Variants in ADAMTS9 observed in about 807,000 individuals in gnomAD.
ADAMTS9 encodes A disintegrin and metalloproteinase with thrombospondin motifs 9.
A neutral mutation model predicts 257.1 loss-of-function variants in ADAMTS9; 107 were observed. The observed-to-expected ratio is 0.42, with a 90% CI of 0.36 to 0.49. ADAMTS9 has a LOEUF of 0.49. Among genes scored for constraint, ADAMTS9 ranks in the 20% least tolerant of loss-of-function variants. The probability of loss-of-function intolerance (pLI) is 0.03; values close to 1 mark genes in which losing one functional copy is unlikely to be tolerated. For missense variants in ADAMTS9, 2,353 were observed against 2,469.1 expected (o/e 0.95, Z 1.00); for synonymous variants, 982 against 880.9 (o/e 1.11, Z -2.03).
At chr3:64,682,662 C>G (rs1234351285) in intron 2 of ADAMTS9, among the ~76,000 whole-genome samples, 1 of 152,244 alleles carries the variant, frequency 6.6e-6, no homozygotes, top group Non-Finnish European at 1.5e-5. Context: ...ACTCCCTGAA[C>G]ATCAGCAGCT....
rs1169781876 is a variant in ADAMTS9, at chr3:64,541,895, A to T, written c.5140T>A (p.Leu1714Ile). ...TCTGGCTTCAGATCAGTGTGGCATA[A>T]GTGGCTGGGTTGGTCCTCATTGGTT... ...CLTNEDQPSH[L>I]CHTDLKPEER... Residue 1714 changes from leucine (L) to isoleucine (I), a missense_variant, in exon 33 of 40, where the codon TTA (leucine) becomes ATA (isoleucine). Physicochemically the swap from Leu to Ile is conservative, Grantham distance 5. Coordinates refer to ENST00000498707, the MANE Select transcript of ADAMTS9 (RefSeq NM_182920.2). 37 of 1,614,074 alleles carry T rather than the reference A, an allele frequency of 2.3e-5. No homozygotes were observed. The highest frequency in any genetic ancestry group is 2.9e-5 in the Non-Finnish European group (34 of 1,180,034).
chr3:64,573,163 A>ACT lies in ADAMTS9; in HGVS notation c.4357-4629_4357-4628insAG, dbSNP rs1205836280. ...AGCACTAGAAGGGGACTGAATGAGG[A>ACT]CCAGGACTGCCTGAGTTATAGCAGA... On this transcript the variant is annotated intron_variant, in intron 28 of 39. Transcript: ENST00000498707. Among the ~76,000 whole-genome samples, 6 of 152,124 alleles carry ACT rather than the reference A, an allele frequency of 3.9e-5. No homozygotes were observed. In the South Asian group the frequency reaches 6.2e-4, roughly 16 times the overall value.
intron 28 of ADAMTS9, among the ~76,000 whole-genome samples, chr3:64,593,715 T>C (rs2084303691): frequency 1.3e-5 from 2 of 152,220 alleles, no homozygotes; most frequent in Admixed American, 1.3e-4. Flanking sequence ...AGGTCACCTG[T>C]TCCATTTTTG....
chr3:64,647,487 C>T (rs367867276), intron 11 of ADAMTS9, among the ~76,000 whole-genome samples: 54 of 152,250 alleles, frequency 3.5e-4, no homozygotes, highest in African/African-American at 1.0e-3. Context: ...GGAACAACAC[C>T]GGTTGGCAAA....
chr3:64,613,245 C>G (rs910263675), intron 22 of ADAMTS9, 100 bp downstream of exon 22: 2 of 1,427,450 alleles, frequency 1.4e-6, no homozygotes, highest in African/African-American at 2.8e-5. Context: ...TGCCACCCGG[C>G]ACAGCGGTTA....
intron 3 of ADAMTS9, among the ~76,000 whole-genome samples, chr3:64,662,455 A>G (rs535736186): frequency 6.6e-6 from 1 of 152,130 alleles, no homozygotes; most frequent in East Asian, 1.9e-4. Flanking sequence ...CTTCCTTGTC[A>G]ATCTTCTGCC....
At chr3:64,680,567 A>C (rs1424666951) in intron 3 of ADAMTS9, among the ~76,000 whole-genome samples, 1 of 152,100 alleles carries the variant, frequency 6.6e-6, no homozygotes, top group African/African-American at 2.4e-5. Context: ...CAAACATGTC[A>C]GCGCAAAACC....
Position 64,610,995 on chromosome 3 carries a change from G to C in ADAMTS9, c.3354+2350C>G, listed in dbSNP as rs140340788. 1.3e-3 allele frequency among the ~76,000 whole-genome samples: 187 copies of C among 146,398 alleles called. 6 individuals carry two copies. In the East Asian group the frequency reaches 0.034, roughly 27 times the overall value. ...GGAGGCTGAGGCAGGAGAATCGCTT[G>C]AACCCAGGAGGCAGAGGTTGCCATG... On this transcript the variant is annotated intron_variant, in intron 22 of 39. Coordinates refer to ENST00000498707, the MANE Select transcript of ADAMTS9 (RefSeq NM_182920.2).
At chr3:64,649,341 TC>T (rs1700874595) in intron 10 of ADAMTS9, among the ~76,000 whole-genome samples, 1 of 152,116 alleles carries the variant, frequency 6.6e-6, no homozygotes, top group South Asian at 2.1e-4. Context: ...AATTCCCAAC[TC>T]CGTAACCTTG....
intron 12 of ADAMTS9, among the ~76,000 whole-genome samples, chr3:64,641,096 G>GA (rs576285569): frequency 1.4e-4 from 21 of 151,364 alleles, no homozygotes; most frequent in Non-Finnish European, 3.1e-4. Flanking sequence ...GGGAAAAAAA[G>GA]AAAAAAAATA....
At chr3:64,562,741 T>C (rs1215811228) in intron 29 of ADAMTS9, among the ~76,000 whole-genome samples, 2 of 152,242 alleles carry the variant, frequency 1.3e-5, no homozygotes, top group African/African-American at 4.8e-5. Context: ...AGAGGAAGTC[T>C]TCTTAAATAA....
rs1487721363 is a variant in ADAMTS9 at position 64,633,612 on chromosome 3, G to C, written c.2039-4C>G. 2 of 1,613,974 alleles carry C rather than the reference G, an allele frequency of 1.2e-6. No homozygotes were observed. Among genetic ancestry groups the C allele is most frequent in the Non-Finnish European group, 8.5e-7 (1 of 1,180,020 alleles). On this transcript the variant is annotated splice_region_variant and splice_polypyrimidine_tract_variant and intron_variant, in intron 13 of 39. Transcript: ENST00000498707. Reference sequence around the variant, plus strand: ...TTGCACCGGTCCTTCATCAGAACTAGAGAGGAGAAACAATACAACTTGACT... The same window carrying C: ...TTGCACCGGTCCTTCATCAGAACTACAGAGGAGAAACAATACAACTTGACT...
At chr3:64,601,741 GA>G (rs1214831129) in intron 26 of ADAMTS9, among the ~76,000 whole-genome samples, 1 of 152,048 alleles carries the variant, frequency 6.6e-6, no homozygotes, top group Non-Finnish European at 1.5e-5. Context: ...ACCCAATCGA[GA>G]CAGCTTATAG....
chr3:64,580,727 C>T (rs150439949), intron 28 of ADAMTS9, among the ~76,000 whole-genome samples: 1 of 152,304 alleles, frequency 6.6e-6, no homozygotes, highest in East Asian at 1.9e-4. Context: ...TCAGCTATCT[C>T]TGACTTGTGA....
At chr3:64,624,455 C>G (rs1051789937) in intron 16 of ADAMTS9, among the ~76,000 whole-genome samples, 1 of 151,976 alleles carries the variant, frequency 6.6e-6, no homozygotes, top group Non-Finnish European at 1.5e-5. Flanking sequence ...TTTTATTTGT[C>G]AAGTATCCCT....
intron 2 of ADAMTS9, among the ~76,000 whole-genome samples, chr3:64,684,525 G>A (rs969597925): frequency 1.3e-5 from 2 of 152,126 alleles, no homozygotes; most frequent in East Asian, 3.9e-4. Context: ...AGTCTTGGGA[G>A]GAGATAACTT....
At chr3:64,575,885 C>T (rs2083830713) in intron 28 of ADAMTS9, among the ~76,000 whole-genome samples, 1 of 152,026 alleles carries the variant, frequency 6.6e-6, no homozygotes, top group Non-Finnish European at 1.5e-5. Context: ...TTCAGTGGAC[C>T]CTTTTAGAAT....
At chr3:64,532,949 G>C (rs1408827482) in intron 38 of ADAMTS9, among the ~76,000 whole-genome samples, 1 of 152,118 alleles carries the variant, frequency 6.6e-6, no homozygotes, top group Non-Finnish European at 1.5e-5. Flanking sequence ...ACCTCTCGAG[G>C]AAGAATTCAC....
intron 2 of ADAMTS9, among the ~76,000 whole-genome samples, chr3:64,683,869 A>G (rs1005842888): frequency 3.9e-5 from 6 of 152,212 alleles, no homozygotes; most frequent in African/African-American, 1.4e-4. Flanking sequence ...GGGAGAACGT[A>G]CTAAGCATCA....
Sources: gnomAD v4.1 joint callset for allele counts (sites outside exome capture counted in the v4.1 genomes callset) on GRCh38, gnomAD v4.1.1 for gene constraint, MANE v1.5 for transcripts, NCBI Gene and HGNC (gene_info 2026-07-23, HGNC 2026-07-21) for gene names.